Variants in RBFOX1 observed in about 807,000 individuals in gnomAD.
RBFOX1 encodes RNA binding protein fox-1 homolog 1.
A neutral mutation model predicts 57.7 loss-of-function variants in RBFOX1; 8 were observed. That is an observed-to-expected ratio of 0.14 (90% CI 0.08 to 0.25). The LOEUF (loss-of-function observed/expected upper bound fraction) is 0.25, where lower values mean the gene tolerates loss of function less well. Ranked by LOEUF, RBFOX1 falls within the 10% of genes least tolerant of loss-of-function variation. The pLI, the probability that RBFOX1 is intolerant of heterozygous loss-of-function variation, is 1.00. For missense variants in RBFOX1, 611 were observed against 548.5 expected (o/e 1.11, Z -1.14); for synonymous variants, 326 against 222.4 (o/e 1.47, Z -4.15).
intron 2 of RBFOX1, among the ~76,000 whole-genome samples, chr16:5,526,721 C>T (rs2044262719): frequency 6.6e-6 from 1 of 152,138 alleles, no homozygotes; most frequent in Non-Finnish European, 1.5e-5. Context: ...CTGCTGTGCC[C>T]CTCTCCCCCA....
intron 3 of RBFOX1, among the ~76,000 whole-genome samples, chr16:5,749,490 C>G (rs2053113119): frequency 6.6e-6 from 1 of 152,216 alleles, no homozygotes; most frequent in Non-Finnish European, 1.5e-5. Context: ...CTCCCTGTCA[C>G]TTTCAGGTAC....
At chr16:6,925,011 A>G (rs184526435) in intron 3 of RBFOX1, among the ~76,000 whole-genome samples, 400 of 150,842 alleles carry the variant, frequency 2.7e-3, no homozygotes, top group African/African-American at 8.8e-3. Flanking sequence ...TACAAAGGAC[A>G]TGAACTCATC....
chr16:6,049,780 C>A (rs1368355483), intron 1 of RBFOX1, among the ~76,000 whole-genome samples: 1 of 152,116 alleles, frequency 6.6e-6, no homozygotes, highest in Non-Finnish European at 1.5e-5. Flanking sequence ...TTTCCCCTTG[C>A]CCCACATTTG....
rs146146733 is a variant in RBFOX1 at position 7,445,953 on chromosome 16, T to G, written c.28-72194T>G. Among the ~76,000 whole-genome samples, 776 of 152,326 alleles carry G rather than the reference T, an allele frequency of 5.1e-3. 5 individuals carry two copies. The highest frequency in any genetic ancestry group is 8.5e-3 in the Non-Finnish European group (580 of 68,024). On this transcript the variant is annotated intron_variant, in intron 4 of 15. Transcript: ENST00000550418. The stretch of plus-strand genomic sequence containing the variant: ...CGCTTTCCCTCCTATGCCTTTTGTT[T>G]TCTTGCCTAAAGAAGCCCATTTCAA...
At chr16:5,802,553 T>C (rs2055094956) in intron 3 of RBFOX1, among the ~76,000 whole-genome samples, 1 of 152,150 alleles carries the variant, frequency 6.6e-6, no homozygotes, top group African/African-American at 2.4e-5. Context: ...TGGAACTGCT[T>C]GTTAACCTAC....
intron 4 of RBFOX1, among the ~76,000 whole-genome samples, chr16:7,070,855 C>T (rs568825793): frequency 6.6e-6 from 1 of 152,224 alleles, no homozygotes; most frequent in East Asian, 1.9e-4. Flanking sequence ...ACCAAATTGA[C>T]CAAGGGTGAC....
At chr16:5,924,531 C>G (rs915615804) in intron 4 of RBFOX1, among the ~76,000 whole-genome samples, 1 of 152,192 alleles carries the variant, frequency 6.6e-6, no homozygotes. Context: ...CTCTTGCCTT[C>G]TCTCTTGCCC....
chr16:5,368,168 A>T (rs1172234458), intron 1 of RBFOX1, among the ~76,000 whole-genome samples: 1 of 152,232 alleles, frequency 6.6e-6, no homozygotes, highest in Non-Finnish European at 1.5e-5. Flanking sequence ...TATCTGTTTG[A>T]ATGATGTCAA....
chr16:5,765,376 A>G (rs530536949), intron 3 of RBFOX1, among the ~76,000 whole-genome samples: 103 of 152,278 alleles, frequency 6.8e-4, no homozygotes, highest in Non-Finnish European at 1.2e-3. Flanking sequence ...TTCAATACAC[A>G]TGTCTTTGGA....
At chr16:6,953,045 T>G (rs13338839) in intron 3 of RBFOX1, among the ~76,000 whole-genome samples, 2 of 151,940 alleles carry the variant, frequency 1.3e-5, no homozygotes, top group Non-Finnish European at 2.9e-5. Flanking sequence ...TTAAGCATTA[T>G]TATTTCTATA....
intron 3 of RBFOX1, among the ~76,000 whole-genome samples, chr16:5,774,013 G>A (rs888205744): frequency 6.6e-6 from 1 of 152,010 alleles, no homozygotes; most frequent in African/African-American, 2.4e-5. Context: ...TCTTTTAATC[G>A]ATACTGCCCA....
intron 1 of RBFOX1, among the ~76,000 whole-genome samples, chr16:6,252,610 G>GTTTTTT (rs547312461): frequency 6.6e-5 from 10 of 151,646 alleles, no homozygotes; most frequent in Non-Finnish European, 1.3e-4. Context: ...ATGCCAAGGT[G>GTTTTTT]TTTTGTTTTG....
At chr16:6,991,567 C>T (rs138670208) in intron 3 of RBFOX1, among the ~76,000 whole-genome samples, 37 of 152,236 alleles carry the variant, frequency 2.4e-4, no homozygotes, top group African/African-American at 8.4e-4. Flanking sequence ...GATGGGGTCC[C>T]ACTCTGTCAC....
chr16:7,015,931 T>C (rs148718757), intron 3 of RBFOX1, among the ~76,000 whole-genome samples: 35 of 152,252 alleles, frequency 2.3e-4, no homozygotes, highest in African/African-American at 8.2e-4. Flanking sequence ...CTTTGAAGGG[T>C]AAAGACCCAG....
chr16:6,830,367 T>C (rs2092619442), intron 3 of RBFOX1, among the ~76,000 whole-genome samples: 1 of 152,230 alleles, frequency 6.6e-6, no homozygotes, highest in Non-Finnish European at 1.5e-5. Flanking sequence ...TTCCACTTTT[T>C]TTTTCCAGTT....
chr16:6,483,846 T>C (rs1323199340), intron 2 of RBFOX1: 1 of 1,208,666 alleles, frequency 8.3e-7, no homozygotes, highest in Non-Finnish European at 1.0e-6. Context: ...TGGCCGTGGA[T>C]GGAATCCGGG....
chr16:6,288,246 T>G (rs2077095468), intron 1 of RBFOX1, among the ~76,000 whole-genome samples: 2 of 152,212 alleles, frequency 1.3e-5, no homozygotes, highest in Admixed American at 1.3e-4. Context: ...AACGGTTTTT[T>G]TATAGCGATG....
intron 4 of RBFOX1, among the ~76,000 whole-genome samples, chr16:7,207,063 AC>A (rs1271589940): frequency 2.0e-5 from 3 of 152,204 alleles, no homozygotes; most frequent in Non-Finnish European, 4.4e-5. Context: ...GAAATACCCT[AC>A]AGATGTGTAG....
intron 3 of RBFOX1, among the ~76,000 whole-genome samples, chr16:6,867,315 G>T (rs1191731181): frequency 6.6e-6 from 1 of 151,944 alleles, no homozygotes; most frequent in African/African-American, 2.4e-5. Context: ...ATCATTATTG[G>T]CTCTGATGAT....
Sources: allele counts gnomAD v4.1 joint callset (sites outside exome capture counted in the v4.1 genomes callset), GRCh38; gene constraint gnomAD v4.1.1; transcripts MANE v1.5; gene names NCBI Gene and HGNC (gene_info 2026-07-23, HGNC 2026-07-21).